The following PRCP variants were observed in gnomAD, a reference collection of about 807,000 sequenced individuals.
PRCP encodes lysosomal Pro-X carboxypeptidase.
Under a neutral mutation model 54.2 loss-of-function variants are expected in PRCP, and 46 were observed. The observed-to-expected ratio is 0.85, with a 90% CI of 0.67 to 1.09. The LOEUF is 1.09. PRCP is among the 50% of genes least tolerant of loss of function. PRCP has a pLI of 0.00. For missense variants in PRCP, 613 were observed against 596.8 expected (o/e 1.03, Z -0.28); for synonymous variants, 240 against 212.2 (o/e 1.13, Z -1.14).
chr11:82,856,132 C>T (rs532116953), intron 2 of PRCP, among the ~76,000 whole-genome samples: 1 of 152,032 alleles, frequency 6.6e-6, no homozygotes, highest in Non-Finnish European at 1.5e-5. Flanking sequence ...ATAGTGAAAC[C>T]CTTTTCTCTA....
intron 1 of PRCP, among the ~76,000 whole-genome samples, chr11:82,898,685 C>G (rs1463196639): frequency 6.6e-6 from 1 of 152,220 alleles, no homozygotes; most frequent in Non-Finnish European, 1.5e-5. Flanking sequence ...GTGTAAAACA[C>G]ATTGGTCCTT....
intron 1 of PRCP, among the ~76,000 whole-genome samples, chr11:82,864,440 A>G (rs960772119): frequency 6.6e-6 from 1 of 152,214 alleles, no homozygotes; most frequent in African/African-American, 2.4e-5. Context: ...GCTCCTGAAT[A>G]AAGATTTTAT....
intron 1 of PRCP, among the ~76,000 whole-genome samples, chr11:82,889,638 G>A (rs1253045116): frequency 6.6e-6 from 1 of 152,110 alleles, no homozygotes; most frequent in Admixed American, 6.5e-5. Flanking sequence ...AATGGAATGG[G>A]ATTGATAAAA....
At chr11:82,882,922 G>C (rs7107524) in intron 1 of PRCP, among the ~76,000 whole-genome samples, 83,000 of 151,526 alleles carry the variant, frequency 0.55, 23,591 homozygotes, top group African/African-American at 0.7. Context: ...CCTAAAGAAC[G>C]ATGATACTTC....
At chr11:82,855,300 T>C (rs1444354438) in intron 2 of PRCP, among the ~76,000 whole-genome samples, 3 of 152,136 alleles carry the variant, frequency 2.0e-5, no homozygotes, top group Non-Finnish European at 2.9e-5. Context: ...AGGTCTAATA[T>C]CTAGAATCTA....
intron 1 of PRCP, chr11:82,899,991 A>G (rs1860221931): frequency 3.9e-6 from 2 of 511,056 alleles, no homozygotes; most frequent in Non-Finnish European, 6.9e-6. Flanking sequence ...GTCGTGTCCA[A>G]TTACAGAAAA....
At chr11:82,886,031 ATAGAGT>A (rs748076719) in intron 1 of PRCP, among the ~76,000 whole-genome samples, 3 of 152,174 alleles carry the variant, frequency 2.0e-5, no homozygotes, top group Non-Finnish European at 4.4e-5. Context: ...AAAATAACTC[ATAGAGT>A]TATTTTAGAA....
chr11:82,831,626 G>C (rs567985228), intron 8 of PRCP, among the ~76,000 whole-genome samples: 17 of 152,160 alleles, frequency 1.1e-4, no homozygotes, highest in African/African-American at 3.9e-4. Flanking sequence ...TTCCCAACCG[G>C]AAAAGCAATC....
chr11:82,838,601 A>C lies in PRCP; in HGVS notation c.1087-27T>G, dbSNP rs748028394. On this transcript the variant is annotated intron_variant, in intron 7 of 8. Coordinates refer to ENST00000313010, the MANE Select transcript of PRCP (RefSeq NM_005040.4). ...TAAGAAGCAAACCAAGAGAGAATCC[A>C]ATTAGAAAAATGAGGCAAAAAGAGG... 4 of 1,585,568 alleles carry C rather than the reference A, an allele frequency of 2.5e-6. No individual in the cohort carries two copies. The South Asian group carries it at 3.5e-5, about 14-fold the overall frequency.
intron 8 of PRCP, chr11:82,830,627 C>CAAAAAAAAAAAAA (rs35851740): frequency 8.6e-4 from 16 of 18,644 alleles, no homozygotes; most frequent in African/African-American, 3.0e-3. Context: ...GACTCCATCT[C>CAAAAAAAAAAAAA]AAAAAAAAAA....
intron 6 of PRCP, among the ~76,000 whole-genome samples, chr11:82,843,467 C>T (rs1234583133): frequency 6.6e-6 from 1 of 152,088 alleles, no homozygotes; most frequent in Non-Finnish European, 1.5e-5. Flanking sequence ...TTGTCTTAAC[C>T]TCATATAATA....
At chr11:82,891,451 T>G (rs1158942590) in intron 1 of PRCP, among the ~76,000 whole-genome samples, 1 of 152,216 alleles carries the variant, frequency 6.6e-6, no homozygotes, top group African/African-American at 2.4e-5. Flanking sequence ...TTCTTAAGAT[T>G]TATTAATCAG....
chr11:82,897,686 A>G (rs1211166073), intron 1 of PRCP, among the ~76,000 whole-genome samples: 3 of 152,226 alleles, frequency 2.0e-5, no homozygotes, highest in East Asian at 3.8e-4. Context: ...GGCAGAATAT[A>G]AAGTTGGAAC....
In PRCP at chr11:82,839,357, A is replaced by G. The variant is rs1423604463; in HGVS notation, c.990T>C (p.Ala330=). Residue 330 remains alanine, a synonymous_variant, in exon 7 of 9, where the codon GCT becomes GCC. Coordinates refer to ENST00000313010, the MANE Select transcript of PRCP (RefSeq NM_005040.4). ...DSLLLQNIFQ[A]LNVYYNYSGQ... is the part of the protein sequence containing the mutation. ...CCGAATAATTGTAATATACATTCAG[A>G]GCTTGGAAAATATTCTGCAGCAGCA... 3.7e-6 allele frequency: 6 copies of G among 1,613,906 alleles called. No individual in the cohort carries two copies. Among genetic ancestry groups the G allele is most frequent in the Non-Finnish European group, 3.4e-6 (4 of 1,179,830 alleles).
At chr11:82,899,172 A>AC (rs1555021031) in intron 1 of PRCP, among the ~76,000 whole-genome samples, 1 of 152,224 alleles carries the variant, frequency 6.6e-6, no homozygotes, top group Non-Finnish European at 1.5e-5. Context: ...AGCCTGGGCA[A>AC]CATAGTGAGC....
At chr11:82,890,635 T>C (rs1441688957) in intron 1 of PRCP, among the ~76,000 whole-genome samples, 2 of 152,192 alleles carry the variant, frequency 1.3e-5, no homozygotes, top group East Asian at 3.8e-4. Context: ...CACAGCAAAA[T>C]TCCCCAAAAG....
At chr11:82,889,233 C>G (rs899393761) in intron 1 of PRCP, among the ~76,000 whole-genome samples, 2 of 151,994 alleles carry the variant, frequency 1.3e-5, no homozygotes, top group Non-Finnish European at 2.9e-5. Flanking sequence ...TGGCACAAGC[C>G]TTTAGTCTCA....
chr11:82,844,170 C>T (rs1324145993), intron 6 of PRCP, among the ~76,000 whole-genome samples: 3 of 152,108 alleles, frequency 2.0e-5, no homozygotes, highest in Non-Finnish European at 4.4e-5. Flanking sequence ...CATAACAACC[C>T]TAATAAGCAT....
In PRCP at chr11:82,900,424, T is replaced by G. The variant is rs1214587480; in HGVS notation, c.-22A>C. On this transcript the variant is annotated 5_prime_UTR_variant, in exon 1 of 9. Coordinates refer to ENST00000313010, the MANE Select transcript of PRCP (RefSeq NM_005040.4). ...CCATGGCTCAGGCTGGAGACTGCAG[T>G]GCGGGTGGGAGGGCGAAAAGGAGGC... 1 of 1,609,900 alleles carries G rather than the reference T, an allele frequency of 6.2e-7. No homozygotes were observed. The highest frequency in any genetic ancestry group is 1.3e-5 in the African/African-American group (1 of 74,678).
Sources: allele counts gnomAD v4.1 joint callset (sites outside exome capture counted in the v4.1 genomes callset), GRCh38; gene constraint gnomAD v4.1.1; transcripts MANE v1.5; gene names NCBI Gene and HGNC (gene_info 2026-07-23, HGNC 2026-07-21).